Variants in LPP observed in about 807,000 individuals in gnomAD.
LPP encodes lipoma-preferred partner.
LPP carries 38 observed loss-of-function variants against 60.4 expected under a neutral mutation model. The observed-to-expected ratio is 0.63, with a 90% CI of 0.49 to 0.83. The LOEUF (loss-of-function observed/expected upper bound fraction) is 0.83, where lower values mean the gene tolerates loss of function less well. Ranked by LOEUF, LPP falls within the 40% of genes least tolerant of loss-of-function variation. The probability of loss-of-function intolerance (pLI) is 0.00; values close to 1 mark genes in which losing one functional copy is unlikely to be tolerated. For missense variants in LPP, 902 were observed against 783.6 expected (o/e 1.15, Z -1.80); for synonymous variants, 328 against 290.8 (o/e 1.13, Z -1.30).
At chr3:188,422,912 TTTGTGTGTG>T (rs1266282136) in intron 4 of LPP, among the ~76,000 whole-genome samples, 15 of 135,550 alleles carry the variant, frequency 1.1e-4, no homozygotes, top group African/African-American at 2.0e-4. Flanking sequence ...TGGTGTCTTC[TTTGTGTGTG>T]TGTGTGTGTG....
chr3:188,539,368 A>G (rs569994327), intron 6 of LPP, among the ~76,000 whole-genome samples: 1 of 152,304 alleles, frequency 6.6e-6, no homozygotes, highest in East Asian at 1.9e-4. Context: ...AAAGGAAGAA[A>G]TCTACCTGGA....
intron 9 of LPP, among the ~76,000 whole-genome samples, chr3:188,846,813 T>G (rs1229138242): frequency 1.3e-5 from 2 of 152,156 alleles, no homozygotes; most frequent in African/African-American, 4.8e-5. Context: ...GTAAACATCC[T>G]TATCATGCCA....
chr3:188,351,233 T>C (rs1456297892), intron 3 of LPP, among the ~76,000 whole-genome samples: 1 of 152,188 alleles, frequency 6.6e-6, no homozygotes, highest in East Asian at 1.9e-4. Context: ...TCTCTGCCTA[T>C]TGCTTGTTTC....
chr3:188,812,282 A>G (rs1399687753), intron 9 of LPP, among the ~76,000 whole-genome samples: 1 of 152,108 alleles, frequency 6.6e-6, no homozygotes, highest in African/African-American at 2.4e-5. Context: ...ATGCTCCCCA[A>G]TTCCTTTTAT....
At chr3:188,710,630 T>A (rs1429628714) in intron 8 of LPP, 1 of 152,210 alleles carries the variant, frequency 6.6e-6, no homozygotes, top group Non-Finnish European at 1.5e-5. Flanking sequence ...GAGGAGGGTT[T>A]ATAATGGGGT....
At chr3:188,426,658 T>C (rs1789434691) in intron 4 of LPP, among the ~76,000 whole-genome samples, 1 of 152,204 alleles carries the variant, frequency 6.6e-6, no homozygotes, top group African/African-American at 2.4e-5. Flanking sequence ...CATATATATT[T>C]AGGGTAGTTA....
At chr3:188,405,342 C>T (rs1362204168) in intron 3 of LPP, among the ~76,000 whole-genome samples, 4 of 152,110 alleles carry the variant, frequency 2.6e-5, no homozygotes, top group Non-Finnish European at 5.9e-5. Flanking sequence ...TTCCTTAATG[C>T]CTGAAGAATA....
At chr3:188,323,706 T>C (rs1757576760) in intron 2 of LPP, among the ~76,000 whole-genome samples, 1 of 152,240 alleles carries the variant, frequency 6.6e-6, no homozygotes, top group Non-Finnish European at 1.5e-5. Context: ...TGCTAGAGTC[T>C]ATGAATCAAG....
chr3:188,595,016 A>G (rs1175367359), intron 6 of LPP, among the ~76,000 whole-genome samples: 1 of 152,158 alleles, frequency 6.6e-6, no homozygotes, highest in African/African-American at 2.4e-5. Context: ...TATAAAGATA[A>G]ATTATGAAAA....
chr3:188,746,386 T>C (rs187452857), intron 8 of LPP: 4,832 of 463,536 alleles, frequency 0.01, 48 homozygotes, highest in South Asian at 0.02. Flanking sequence ...AGGAACAATC[T>C]ACAGGTTAAT....
intron 8 of LPP, among the ~76,000 whole-genome samples, chr3:188,724,487 G>A (rs528807251): frequency 1.3e-5 from 2 of 152,228 alleles, no homozygotes; most frequent in East Asian, 1.9e-4. Flanking sequence ...AGAAATACAG[G>A]TACACCATCT....
intron 2 of LPP, among the ~76,000 whole-genome samples, chr3:188,226,718 C>A (rs1717905712): frequency 6.6e-6 from 1 of 152,088 alleles, no homozygotes; most frequent in African/African-American, 2.4e-5. Context: ...ATTAATACAC[C>A]TTGACATATT....
chr3:188,350,348 TG>T (rs1765513076), intron 3 of LPP, among the ~76,000 whole-genome samples: 1 of 152,200 alleles, frequency 6.6e-6, no homozygotes, highest in Non-Finnish European at 1.5e-5. Context: ...GGACAAGAGC[TG>T]GCTTTGAAAG....
At chr3:188,732,400 T>C (rs746901536) in intron 8 of LPP, among the ~76,000 whole-genome samples, 9 of 152,238 alleles carry the variant, frequency 5.9e-5, no homozygotes, top group Non-Finnish European at 8.8e-5. Context: ...CATGAACCAC[T>C]GTGCACTGTA....
intron 3 of LPP, among the ~76,000 whole-genome samples, chr3:188,347,993 C>T (rs994221987): frequency 5.9e-5 from 9 of 152,124 alleles, no homozygotes; most frequent in South Asian, 2.1e-4. Context: ...CCTACCTTTC[C>T]GTTGGCATAT....
chr3:188,181,347 C>T (rs1337792798), intron 1 of LPP, among the ~76,000 whole-genome samples: 1 of 110,456 alleles, frequency 9.1e-6, no homozygotes, highest in African/African-American at 3.0e-5. Context: ...AGTGAAATTC[C>T]GTCTCAAAAA....
chr3:188,693,649 C>A (rs575472254), intron 7 of LPP, among the ~76,000 whole-genome samples: 37 of 152,182 alleles, frequency 2.4e-4, no homozygotes, highest in African/African-American at 8.7e-4. Flanking sequence ...CCAGCGCAGC[C>A]CGACAGAATT....
chr3:188,676,390 G>C (rs188901543), intron 7 of LPP, among the ~76,000 whole-genome samples: 1 of 152,152 alleles, frequency 6.6e-6, no homozygotes, highest in Non-Finnish European at 1.5e-5. Context: ...ATAGGTAGAA[G>C]ACAGGTCATT....
chr3:188,785,549 C>T (rs368759646), intron 9 of LPP, among the ~76,000 whole-genome samples: 1,480 of 94,122 alleles, frequency 0.016, 217 homozygotes, highest in Middle Eastern at 0.026. Context: ...TATATATATA[C>T]ACACACACAC....
Sources: gnomAD v4.1 joint callset for allele counts (sites outside exome capture counted in the v4.1 genomes callset) on GRCh38, gnomAD v4.1.1 for gene constraint, MANE v1.5 for transcripts, NCBI Gene and HGNC (gene_info 2026-07-23, HGNC 2026-07-21) for gene names.